Variants in KCNJ4 observed in about 807,000 individuals in gnomAD.
The protein encoded by KCNJ4 is potassium inwardly rectifying channel subfamily J member 4.
A neutral mutation model predicts 25.6 loss-of-function variants in KCNJ4; 3 were observed. The observed-to-expected ratio is 0.12, with a 90% confidence interval of 0.05 to 0.30. The LOEUF is 0.30. Among genes scored for constraint, KCNJ4 ranks in the 10% least tolerant of loss-of-function variants. The pLI is 1.00. For missense variants in KCNJ4, 286 were observed against 666.8 expected (o/e 0.43, Z 6.29); for synonymous variants, 257 against 283.9 (o/e 0.91, Z 0.95).
At chr22:38,442,490 T>A (rs2089342291) in intron 1 of KCNJ4, among the ~76,000 whole-genome samples, 1 of 136,784 alleles carries the variant, frequency 7.3e-6, no homozygotes, top group Non-Finnish European at 1.5e-5. Context: ...GAGCTTGCAG[T>A]GAGCTGAGAT....
chr22:38,439,935 C>T (rs554831179), intron 1 of KCNJ4, among the ~76,000 whole-genome samples: 20 of 141,620 alleles, frequency 1.4e-4, no homozygotes, highest in Non-Finnish European at 2.6e-4. Context: ...CTAAAAAGTA[C>T]AAAAAATTAG....
intron 1 of KCNJ4, among the ~76,000 whole-genome samples, chr22:38,439,314 C>T (rs1451148189): frequency 6.6e-6 from 1 of 152,114 alleles, no homozygotes; most frequent in Non-Finnish European, 1.5e-5. Flanking sequence ...CATCTGTAAT[C>T]TCAGCTCCTC....
chr22:38,426,653 C>T lies in KCNJ4; in HGVS notation c.*142G>A. ...GTGCTGGAGTCAGGAGGAAGGGGTC[C>T]CCCAGTCTTTGAAACCCCCACCTTC... On this transcript the variant is annotated 3_prime_UTR_variant, in exon 2 of 2. Coordinates refer to ENST00000303592, the MANE Select transcript of KCNJ4 (RefSeq NM_152868.3). 9.3e-7 allele frequency: 1 copy of T among 1,078,370 alleles called. No individual in the cohort carries two copies. Among genetic ancestry groups the T allele is most frequent in the Non-Finnish European group, 1.3e-6 (1 of 741,134 alleles). The allele number at this position is 1,078,370 out of a possible 1,614,324, so 66.8% of individuals were successfully genotyped here.
At chr22:38,431,454 C>A (rs529159629) in intron 1 of KCNJ4, among the ~76,000 whole-genome samples, 8 of 152,338 alleles carry the variant, frequency 5.3e-5, no homozygotes, top group Admixed American at 5.2e-4. Context: ...CACAGTGCAG[C>A]CCGATGGGGA....
At chr22:38,435,715 TAGAC>T (rs772712141) in intron 1 of KCNJ4, among the ~76,000 whole-genome samples, 5 of 147,996 alleles carry the variant, frequency 3.4e-5, no homozygotes, top group Non-Finnish European at 6.0e-5. Flanking sequence ...AAAAAAGAAA[TAGAC>T]AGAATTAACA....
intron 1 of KCNJ4, among the ~76,000 whole-genome samples, chr22:38,433,047 T>G (rs2093054894): frequency 6.6e-6 from 1 of 152,204 alleles, no homozygotes; most frequent in Non-Finnish European, 1.5e-5. Flanking sequence ...TAGAAAGTGA[T>G]GGACATAGGA....
At position 38,455,144 on chromosome 22, in the gene KCNJ4, G is replaced by T. The variant is rs2089432944; in HGVS notation, c.-204C>A. ...GCGCTCCCCTCCCCGGCTGCCGCTC[G>T]GTCTGCGCGTGGGTCTTGGGGTCTC... On this transcript the variant is annotated 5_prime_UTR_variant, in exon 1 of 2. Coordinates refer to ENST00000303592, the MANE Select transcript of KCNJ4 (RefSeq NM_152868.3). 6.8e-6 allele frequency: 1 copy of T among 147,910 alleles called. No homozygotes were observed. The highest frequency in any genetic ancestry group is 1.5e-5 in the Non-Finnish European group (1 of 66,578). The allele number at this position is 147,910 out of a possible 1,614,324, so 9.2% of individuals were successfully genotyped here.
chr22:38,454,569 G>T (rs1205435210), intron 1 of KCNJ4, among the ~76,000 whole-genome samples: 1 of 152,132 alleles, frequency 6.6e-6, no homozygotes, highest in African/African-American at 2.4e-5. Context: ...CAGATCACAG[G>T]GCCATTTGCA....
intron 1 of KCNJ4, among the ~76,000 whole-genome samples, chr22:38,447,530 C>A (rs2145947132): frequency 1.3e-5 from 2 of 152,234 alleles, no homozygotes; most frequent in East Asian, 3.9e-4. Context: ...TTCACACTCA[C>A]AGGGCAGAGG....
chr22:38,442,070 C>T (rs1380077226), intron 1 of KCNJ4, among the ~76,000 whole-genome samples: 1 of 152,076 alleles, frequency 6.6e-6, no homozygotes, highest in Non-Finnish European at 1.5e-5. Context: ...AAGCTGGTGA[C>T]ATTGGCTGCT....
At chr22:38,444,435 G>A (rs1056751553) in intron 1 of KCNJ4, among the ~76,000 whole-genome samples, 2 of 152,212 alleles carry the variant, frequency 1.3e-5, no homozygotes, top group Non-Finnish European at 2.9e-5. Flanking sequence ...CACTGTACAT[G>A]AGCACAATGG....
rs1464529493 is a variant in KCNJ4, at chr22:38,427,405, T to C, written c.728A>G (p.Asn243Ser). 6.2e-7 allele frequency: 1 copy of C among 1,614,016 alleles called. No homozygotes were observed. The highest frequency in any genetic ancestry group is 8.5e-7 in the Non-Finnish European group (1 of 1,180,026). Residue 243 changes from asparagine to serine, a missense_variant, in exon 2 of 2, where the codon AAC (asparagine) becomes AGC (serine). Asn to Ser is a conservative substitution (Grantham distance 46, BLOSUM62 1). This residue lies in a region of KCNJ4 where 39 missense variants were observed against 100.9 expected (regional missense o/e 0.39). Transcript: ENST00000303592. ...GTCCAGGCCGATGTCATAGCCCACG[T>C]TGAGGTCCCGCTGGTCCAGGGGCAG... ...EYLPLDQRDLNVGYDIGLDRI... is the reference protein window; with the variant it reads ...EYLPLDQRDLSVGYDIGLDRI...
At chr22:38,442,397 A>G (rs902346375) in intron 1 of KCNJ4, among the ~76,000 whole-genome samples, 3 of 151,998 alleles carry the variant, frequency 2.0e-5, no homozygotes, top group Admixed American at 6.6e-5. Context: ...AATTCAAAAA[A>G]TTAGCCAGGC....
At chr22:38,431,512 T>C (rs2145933791) in intron 1 of KCNJ4, among the ~76,000 whole-genome samples, 1 of 152,304 alleles carries the variant, frequency 6.6e-6, no homozygotes, top group East Asian at 1.9e-4. Flanking sequence ...CCACAGCAGG[T>C]GTCCTGAGCC....
chr22:38,439,366 A>C (rs2089315614), intron 1 of KCNJ4, among the ~76,000 whole-genome samples: 2 of 152,116 alleles, frequency 1.3e-5, no homozygotes, highest in South Asian at 4.1e-4. Flanking sequence ...CGGGAGGCGG[A>C]GGGTACAGTC....
intron 1 of KCNJ4, among the ~76,000 whole-genome samples, chr22:38,440,679 G>A (rs988971747): frequency 1.3e-5 from 2 of 152,148 alleles, no homozygotes; most frequent in African/African-American, 4.8e-5. Context: ...AGGTATATTC[G>A]GCTGGGGAGA....
chr22:38,442,544 C>CAAAA (rs10631730), intron 1 of KCNJ4, among the ~76,000 whole-genome samples: 15,064 of 93,586 alleles, frequency 0.16, 1,915 homozygotes, highest in African/African-American at 0.28. Context: ...AAGACTCCAT[C>CAAAA]AAAAAAAAAA....
intron 1 of KCNJ4, among the ~76,000 whole-genome samples, chr22:38,436,846 G>T (rs2093066979): frequency 6.6e-6 from 1 of 152,202 alleles, no homozygotes; most frequent in Admixed American, 6.5e-5. Context: ...TTTGTAAGTG[G>T]TAAAGCCAGG....
At chr22:38,444,246 C>T (rs2089357909) in intron 1 of KCNJ4, among the ~76,000 whole-genome samples, 1 of 152,216 alleles carries the variant, frequency 6.6e-6, no homozygotes, top group Non-Finnish European at 1.5e-5. Flanking sequence ...AGAGTAGCTG[C>T]TTCATAAATA....
Sources: gnomAD v4.1 joint callset for allele counts (sites outside exome capture counted in the v4.1 genomes callset) on GRCh38, gnomAD v4.1.1 for gene constraint, gnomAD v4.1.1 regional missense constraint, MANE v1.5 for transcripts, NCBI Gene and HGNC (gene_info 2026-07-23, HGNC 2026-07-21) for gene names.